TMTC2: variants seen among roughly 807,000 people sequenced by gnomAD.
The protein encoded by TMTC2 is protein O-mannosyl-transferase TMTC2.
In TMTC2, 43 loss-of-function variants were observed where a neutral mutation model predicts 82.4. That is an observed-to-expected ratio of 0.52 (90% confidence interval 0.41 to 0.67). TMTC2 has a LOEUF of 0.67. Among genes scored for constraint, TMTC2 ranks in the 30% least tolerant of loss-of-function variants. The pLI is 0.00. For synonymous variants in TMTC2, 408 were observed against 381.9 expected (o/e 1.07, Z -0.80); for missense variants, 919 against 1,012.4 (o/e 0.91, Z 1.25).
intron 8 of TMTC2, among the ~76,000 whole-genome samples, chr12:83,027,199 C>A (rs1192906961): frequency 6.6e-6 from 1 of 152,006 alleles, no homozygotes; most frequent in Non-Finnish European, 1.5e-5. Flanking sequence ...TAAAAGACAC[C>A]AGGAAAAATC....
intron 1 of TMTC2, among the ~76,000 whole-genome samples, chr12:82,751,962 T>G (rs964628905): frequency 1.3e-5 from 2 of 151,986 alleles, no homozygotes; most frequent in African/African-American, 2.4e-5. Flanking sequence ...GAACATGTAC[T>G]TTATTCAGAC....
intron 4 of TMTC2, among the ~76,000 whole-genome samples, chr12:82,935,268 A>G (rs1876255518): frequency 6.6e-6 from 1 of 152,174 alleles, no homozygotes; most frequent in Non-Finnish European, 1.5e-5. Flanking sequence ...GACAATAGTT[A>G]TATAATATGA....
At chr12:82,888,979 T>C (rs958344323) in intron 2 of TMTC2, among the ~76,000 whole-genome samples, 7 of 152,020 alleles carry the variant, frequency 4.6e-5, no homozygotes, top group Non-Finnish European at 1.0e-4. Flanking sequence ...ATAACAAATA[T>C]AGAAAAGTGT....
At chr12:83,128,159 A>C (rs192080886) in intron 11 of TMTC2, among the ~76,000 whole-genome samples, 13 of 152,280 alleles carry the variant, frequency 8.5e-5, no homozygotes, top group Admixed American at 7.8e-4. Flanking sequence ...GACCATGTGT[A>C]TAGGGAAAGA....
At chr12:82,829,751 C>T (rs1391044348) in intron 1 of TMTC2, among the ~76,000 whole-genome samples, 1 of 152,126 alleles carries the variant, frequency 6.6e-6, no homozygotes, top group Non-Finnish European at 1.5e-5. Flanking sequence ...CTCATCTACT[C>T]ATAAATGTCA....
At chr12:83,094,148 A>G (rs946731118) in intron 11 of TMTC2, among the ~76,000 whole-genome samples, 1 of 152,218 alleles carries the variant, frequency 6.6e-6, no homozygotes, top group Non-Finnish European at 1.5e-5. Context: ...AGAAGTAGAT[A>G]ATGCAGTCCT....
intron 4 of TMTC2, among the ~76,000 whole-genome samples, chr12:82,940,425 G>T (rs1796156): frequency 0.86 from 130,892 of 152,086 alleles, 56,859 homozygotes; most frequent in East Asian, 0.97. Flanking sequence ...TAGTTTTTTA[G>T]AAATTATTTT....
chr12:82,905,683 G>A (rs1214904644), intron 3 of TMTC2, among the ~76,000 whole-genome samples: 3 of 152,096 alleles, frequency 2.0e-5, no homozygotes, highest in Non-Finnish European at 4.4e-5. Context: ...CATGGCTCAC[G>A]CCTGTAATCC....
At chr12:83,007,445 T>G (rs1436880750) in intron 8 of TMTC2, among the ~76,000 whole-genome samples, 1 of 152,172 alleles carries the variant, frequency 6.6e-6, no homozygotes, top group Non-Finnish European at 1.5e-5. Flanking sequence ...TATATTTCTT[T>G]AAAAATTTTC....
chr12:82,926,541 A>G (rs1004708816), intron 3 of TMTC2, among the ~76,000 whole-genome samples: 2 of 152,230 alleles, frequency 1.3e-5, no homozygotes, highest in Non-Finnish European at 2.9e-5. Flanking sequence ...TGTACAAAAT[A>G]TAGCTAAGAT....
chr12:82,748,908 A>T (rs1380002946), intron 1 of TMTC2, among the ~76,000 whole-genome samples: 4 of 152,220 alleles, frequency 2.6e-5, no homozygotes, highest in Non-Finnish European at 5.9e-5. Flanking sequence ...ACACACACGT[A>T]TGTATGTGTA....
At chr12:83,109,046 T>G (rs2137543425) in intron 11 of TMTC2, among the ~76,000 whole-genome samples, 1 of 152,344 alleles carries the variant, frequency 6.6e-6, no homozygotes, top group Non-Finnish European at 1.5e-5. Context: ...CCCCAGAATC[T>G]AATGCCCAAA....
chr12:83,102,997 A>G (rs1253569571), intron 11 of TMTC2, among the ~76,000 whole-genome samples: 3 of 152,216 alleles, frequency 2.0e-5, no homozygotes, highest in Non-Finnish European at 1.5e-5. Flanking sequence ...GGATAGAATA[A>G]TGTTCTGAAA....
At chr12:82,857,666 T>G in intron 2 of TMTC2, 86 bp downstream of exon 2, 1 of 1,279,420 alleles carries the variant, frequency 7.8e-7, no homozygotes, top group Non-Finnish European at 1.1e-6. Flanking sequence ...GCAAATTTAT[T>G]CCTCTGCAAG....
At chr12:83,097,033 G>A (rs951839525) in intron 11 of TMTC2, among the ~76,000 whole-genome samples, 1 of 152,052 alleles carries the variant, frequency 6.6e-6, no homozygotes, top group Non-Finnish European at 1.5e-5. Flanking sequence ...TTCTATTTCA[G>A]CATTACATAC....
At chr12:82,869,766 G>A (rs1469951694) in intron 2 of TMTC2, among the ~76,000 whole-genome samples, 1 of 151,652 alleles carries the variant, frequency 6.6e-6, no homozygotes, top group African/African-American at 2.4e-5. Context: ...TTCAGTCCAG[G>A]AAGTGGAGGC....
intron 1 of TMTC2, chr12:82,760,863 C>A (rs1357733612): frequency 4.8e-6 from 2 of 412,948 alleles, no homozygotes; most frequent in Non-Finnish European, 9.8e-6. Context: ...TGTCTCCCCT[C>A]ACCCCCAGAT....
chr12:82,909,693 T>C (rs1874531343), intron 3 of TMTC2, among the ~76,000 whole-genome samples: 1 of 152,194 alleles, frequency 6.6e-6, no homozygotes, highest in Admixed American at 6.5e-5. Flanking sequence ...AATTAATACA[T>C]TCATTTGCAA....
intron 8 of TMTC2, among the ~76,000 whole-genome samples, chr12:83,011,381 TG>T (rs1409789516): frequency 6.6e-6 from 1 of 152,224 alleles, no homozygotes; most frequent in African/African-American, 2.4e-5. Flanking sequence ...ATTTTCTTGT[TG>T]AGCAGTTAAA....
Sources: gnomAD v4.1 joint callset for allele counts (sites outside exome capture counted in the v4.1 genomes callset) on GRCh38, gnomAD v4.1.1 for gene constraint, MANE v1.5 for transcripts, NCBI Gene and HGNC (gene_info 2026-07-23, HGNC 2026-07-21) for gene names.